HS6ST3: variants seen among roughly 807,000 people sequenced by gnomAD.
The protein encoded by HS6ST3 is heparan-sulfate 6-O-sulfotransferase 3.
Under a neutral mutation model 36.7 loss-of-function variants are expected in HS6ST3, and 12 were observed. The ratio of observed to expected loss-of-function variants is 0.33; its 90% confidence interval spans 0.21 to 0.53. The LOEUF (loss-of-function observed/expected upper bound fraction) is 0.53, where lower values mean the gene tolerates loss of function less well. HS6ST3 is among the 20% of genes least tolerant of loss of function. The pLI is 0.95. For synonymous variants in HS6ST3, 240 were observed against 257.5 expected (o/e 0.93, Z 0.65); for missense variants, 584 against 640.9 (o/e 0.91, Z 0.96).
At chr13:96,760,049 C>T (rs1222695645) in intron 1 of HS6ST3, among the ~76,000 whole-genome samples, 2 of 151,872 alleles carry the variant, frequency 1.3e-5, no homozygotes, top group Admixed American at 6.6e-5. Flanking sequence ...CTTAAAAATT[C>T]AACAATGGTT....
At chr13:96,274,378 T>G (rs994254651) in intron 1 of HS6ST3, among the ~76,000 whole-genome samples, 4 of 151,902 alleles carry the variant, frequency 2.6e-5, no homozygotes, top group African/African-American at 9.7e-5. Context: ...ACCAAGGCAG[T>G]TTCCCTAGGA....
intron 1 of HS6ST3, among the ~76,000 whole-genome samples, chr13:96,358,378 T>C (rs181418183): frequency 7.9e-5 from 12 of 152,310 alleles, no homozygotes; most frequent in African/African-American, 2.9e-4. Context: ...GGAACAATCT[T>C]GTAGTCTATG....
intron 1 of HS6ST3, among the ~76,000 whole-genome samples, chr13:96,537,552 A>C (rs562293038): frequency 6.6e-6 from 1 of 152,264 alleles, no homozygotes; most frequent in East Asian, 1.9e-4. Flanking sequence ...TCTATTTCTT[A>C]CATGCATTTG....
chr13:96,214,729 T>C (rs2139359264), intron 1 of HS6ST3, among the ~76,000 whole-genome samples: 1 of 152,292 alleles, frequency 6.6e-6, no homozygotes, highest in South Asian at 2.1e-4. Flanking sequence ...CCAGTTAGCA[T>C]AAATGGGAAA....
intron 1 of HS6ST3, among the ~76,000 whole-genome samples, chr13:96,442,424 C>T (rs1282871059): frequency 6.6e-6 from 1 of 152,146 alleles, no homozygotes; most frequent in Non-Finnish European, 1.5e-5. Flanking sequence ...CATCAGCACA[C>T]TGGATCCTAG....
At chr13:96,776,673 C>T (rs984879230) in intron 1 of HS6ST3, among the ~76,000 whole-genome samples, 1 of 152,102 alleles carries the variant, frequency 6.6e-6, no homozygotes, top group Non-Finnish European at 1.5e-5. Context: ...AGAGCAATAA[C>T]AAGTTCTGAA....
chr13:96,151,956 T>G (rs9525133), intron 1 of HS6ST3, among the ~76,000 whole-genome samples: 33 of 152,218 alleles, frequency 2.2e-4, no homozygotes, highest in Non-Finnish European at 4.6e-4. Flanking sequence ...TTTAACTAAT[T>G]ACATCTGCAA....
Position 96,267,046 on chromosome 13 carries a change from C to T in HS6ST3, c.707+175477C>T, listed in dbSNP as rs546069512. Among the ~76,000 whole-genome samples the T allele has an allele frequency of 2.3e-4, 35 of 152,186 alleles. No homozygotes were observed. The South Asian group carries it at 3.3e-3, about 14-fold the overall frequency. On this transcript the variant is annotated intron_variant, in intron 1 of 1. Transcript: ENST00000376705. ...ACCCAGTGGAAGGCAATTGAATCCT[C>T]GGAGCGGGTTTTTTGTGTGCTGGTC...
intron 1 of HS6ST3, among the ~76,000 whole-genome samples, chr13:96,792,490 C>A (rs1316021374): frequency 1.3e-5 from 2 of 151,878 alleles, no homozygotes; most frequent in Non-Finnish European, 2.9e-5. Flanking sequence ...AGCTCCCTGG[C>A]CATCTATTGC....
At chr13:96,523,457 G>A (rs1452003308) in intron 1 of HS6ST3, among the ~76,000 whole-genome samples, 1 of 152,128 alleles carries the variant, frequency 6.6e-6, no homozygotes, top group African/African-American at 2.4e-5. Context: ...CCTGAAGAGC[G>A]TTTTCTAACT....
intron 1 of HS6ST3, among the ~76,000 whole-genome samples, chr13:96,665,247 G>A (rs550572382): frequency 8.5e-5 from 13 of 152,230 alleles, no homozygotes; most frequent in African/African-American, 3.1e-4. Context: ...TCTTCATTTA[G>A]TCATTCATGC....
At chr13:96,390,243 T>C (rs1403504452) in intron 1 of HS6ST3, among the ~76,000 whole-genome samples, 1 of 152,222 alleles carries the variant, frequency 6.6e-6, no homozygotes, top group Non-Finnish European at 1.5e-5. Context: ...AAGCACTCAA[T>C]CTACATATAA....
At chr13:96,655,605 T>C (rs1459817631) in intron 1 of HS6ST3, among the ~76,000 whole-genome samples, 2 of 152,090 alleles carry the variant, frequency 1.3e-5, no homozygotes, top group Admixed American at 6.6e-5. Flanking sequence ...TAATGAGCCA[T>C]CTCTAGGAAA....
intron 1 of HS6ST3, among the ~76,000 whole-genome samples, chr13:96,541,225 C>G (rs1039332774): frequency 6.6e-6 from 1 of 151,842 alleles, no homozygotes; most frequent in Admixed American, 6.6e-5. Context: ...TTAGTAGAGA[C>G]GGGGTTTCAC....
At chr13:96,290,044 C>T (rs1262173260) in intron 1 of HS6ST3, among the ~76,000 whole-genome samples, 1 of 152,112 alleles carries the variant, frequency 6.6e-6, no homozygotes, top group Admixed American at 6.6e-5. Context: ...GGAGGGAGGA[C>T]AGGGAATTTG....
intron 1 of HS6ST3, among the ~76,000 whole-genome samples, chr13:96,233,461 A>T (rs1469117297): frequency 1.3e-5 from 2 of 152,184 alleles, no homozygotes; most frequent in African/African-American, 4.8e-5. Flanking sequence ...TAGAACATTC[A>T]TTTTATTATA....
At chr13:96,436,253 C>A (rs1594779842) in intron 1 of HS6ST3, among the ~76,000 whole-genome samples, 2 of 152,278 alleles carry the variant, frequency 1.3e-5, no homozygotes, top group Middle Eastern at 6.8e-3. Flanking sequence ...TCAGCATTAT[C>A]ATTGCCTGGT....
At chr13:96,239,019 G>A (rs1306652646) in intron 1 of HS6ST3, among the ~76,000 whole-genome samples, 1 of 152,154 alleles carries the variant, frequency 6.6e-6, no homozygotes, top group African/African-American at 2.4e-5. Context: ...TCTCACGGAT[G>A]GGGAAGTAGG....
rs186355983 is a variant in HS6ST3 at position 96,360,829 on chromosome 13, C to T, written c.707+269260C>T. On this transcript the variant is annotated intron_variant, in intron 1 of 1. Coordinates refer to ENST00000376705, the MANE Select transcript of HS6ST3 (RefSeq NM_153456.4). ...AGGTGTAGTGGTGGGCACCTGTAGT[C>T]CCAGTTACTTGGAAACTGAGGCAGG... Among the ~76,000 whole-genome samples the T allele has an allele frequency of 5.3e-5, 8 of 151,562 alleles. No homozygotes were observed. In the East Asian group the frequency reaches 1.6e-3, roughly 30 times the overall value.
Sources: allele counts gnomAD v4.1 joint callset (sites outside exome capture counted in the v4.1 genomes callset), GRCh38; gene constraint gnomAD v4.1.1; transcripts MANE v1.5; gene names NCBI Gene and HGNC (gene_info 2026-07-23, HGNC 2026-07-21).